EPN2: variants seen among roughly 807,000 people sequenced by gnomAD.
EPN2 encodes epsin-2.
Under a neutral mutation model 61.7 loss-of-function variants are expected in EPN2, and 34 were observed. The observed-to-expected ratio is 0.55, with a 90% confidence interval of 0.42 to 0.73. EPN2 has a LOEUF of 0.73. Among genes scored for constraint, EPN2 ranks in the 30% least tolerant of loss-of-function variants. EPN2 has a pLI of 0.00. For synonymous variants in EPN2, 349 were observed against 353.6 expected, an observed-to-expected ratio of 0.99 and a Z score of 0.15; for missense variants, 714 against 839.2, an observed-to-expected ratio of 0.85 and a Z score of 1.84.
Position 19,331,978 on chromosome 17 carries a change from C to G in EPN2, c.1537C>G (p.Leu513Val). Residue 513 changes from leucine to valine, a missense_variant, in exon 10 of 11, where the codon CTG becomes GTG. This residue lies in a region of EPN2 where 410 missense variants were observed against 421.8 expected (regional missense o/e 0.97). Coordinates refer to ENST00000314728, the MANE Select transcript of EPN2 (RefSeq NM_014964.5). ...SSARKTPESFLGPNAALVNLD... is the reference protein window; with the variant it reads ...SSARKTPESFVGPNAALVNLD... ...TGCCCGGAAAACACCTGAGTCCTTC[C>G]TGGGCCCCAACGCGGCCCTGGTGAA... is the stretch of plus-strand genomic sequence containing the variant. 1 of 1,614,136 alleles carries G rather than the reference C, an allele frequency of 6.2e-7. No homozygotes were observed. The highest frequency in any genetic ancestry group is 8.5e-7 in the Non-Finnish European group (1 of 1,180,018).
At chr17:19,304,051 T>G (rs1905686388) in intron 4 of EPN2, 1 of 152,262 alleles carries the variant, frequency 6.6e-6, no homozygotes, top group South Asian at 2.1e-4. Context: ...TGAAGTGATC[T>G]GAGACCACTC....
Position 19,276,777 on chromosome 17 carries a change from T to TTTTTTTTTTTTTTG in EPN2, c.-293-5165_-293-5164insGTTTTTTTTTTTTT, listed in dbSNP as rs1555598445. On this transcript the variant is annotated intron_variant, in intron 1 of 10. Transcript: ENST00000314728. The stretch of plus-strand genomic sequence containing the variant: ...GTATGTAATTTATGAGAATAAGTTT[T>TTTTTTTTTTTTTTG]TTTTTTTTTTTTTTGCTGTATTGGG... Among the ~76,000 whole-genome samples the TTTTTTTTTTTTTTG allele has an allele frequency of 2.0e-3, 291 of 148,360 alleles. 17 individuals carry two copies. The highest frequency in any genetic ancestry group is 7.2e-3 in the African/African-American group (277 of 38,632).
At position 19,282,948 on chromosome 17, in the gene EPN2, A is replaced by G. The variant is rs2045372120; in HGVS notation, c.-170-2A>G. 1 of 589,068 alleles carries G rather than the reference A, an allele frequency of 1.7e-6. No individual in the cohort carries two copies. The highest frequency in any genetic ancestry group is 2.2e-5 in the South Asian group (1 of 45,504). The allele number at this position is 589,068 out of a possible 1,614,324, so 36.5% of individuals were successfully genotyped here. On this transcript the variant is annotated splice_acceptor_variant, in intron 2 of 10. Transcript: ENST00000314728. LOFTEE classifies it low-confidence loss of function (5UTR_SPLICE). ...AGTGGAATGGGTTTTCTCTTTCTCT[A>G]GGTCATGGCTTCCAGCTTTTCGAAT...
At chr17:19,323,732 T>A (rs924218392) in intron 7 of EPN2, among the ~76,000 whole-genome samples, 15 of 152,228 alleles carry the variant, frequency 9.9e-5, no homozygotes, top group Middle Eastern at 3.2e-3. Flanking sequence ...ATAATTTTTT[T>A]AAAAAAGATA....
chr17:19,295,620 T>C (rs1305537473), intron 4 of EPN2, among the ~76,000 whole-genome samples: 1 of 152,274 alleles, frequency 6.6e-6, no homozygotes, highest in African/African-American at 2.4e-5. Context: ...GGTTTCTCGA[T>C]GCTTTAAGGT....
intron 1 of EPN2, among the ~76,000 whole-genome samples, chr17:19,266,644 T>C (rs1376428378): frequency 2.0e-5 from 3 of 151,572 alleles, no homozygotes; most frequent in East Asian, 2.0e-4. Flanking sequence ...CCTCGTGATC[T>C]GCCCGCCTCG....
intron 7 of EPN2, among the ~76,000 whole-genome samples, chr17:19,318,536 C>G (rs193183871): frequency 8.6e-5 from 1 of 11,628 alleles, no homozygotes; most frequent in Admixed American, 7.6e-4. Flanking sequence ...GGCAACAGAG[C>G]GAGACTCCAT....
chr17:19,291,558 C>G (rs1051666424), intron 4 of EPN2, among the ~76,000 whole-genome samples: 19 of 151,694 alleles, frequency 1.3e-4, no homozygotes, highest in African/African-American at 4.3e-4. Context: ...CTGCCTCAGC[C>G]TCCTGAGTAG....
chr17:19,255,620 A>G lies in EPN2; in HGVS notation c.-294+18089A>G, dbSNP rs1411516458. ...TTGGCCCCCATCCCTTATGTTTGAT[A>G]GATTGGATTGATTTTTTTTGAGACA... On this transcript the variant is annotated intron_variant, in intron 1 of 10. Coordinates refer to ENST00000314728, the MANE Select transcript of EPN2 (RefSeq NM_014964.5). 9.0e-5 allele frequency among the ~76,000 whole-genome samples: 11 copies of G among 122,152 alleles called. No homozygotes were observed. The South Asian group carries it at 2.9e-3, about 32-fold the overall frequency. 80.1% of individuals were successfully genotyped at this position (122,152 alleles called of 152,430 possible). A position where few individuals can be genotyped will look rare whatever the true frequency, so the allele number is the denominator to read the frequency against.
At chr17:19,327,492 T>A (rs1436294793) in intron 7 of EPN2, among the ~76,000 whole-genome samples, 1 of 151,944 alleles carries the variant, frequency 6.6e-6, no homozygotes, top group Non-Finnish European at 1.5e-5. Context: ...GGCAACACGG[T>A]GAGACCCCAT....
chr17:19,312,895 T>G (rs1373073375), intron 6 of EPN2: 5 of 546,564 alleles, frequency 9.1e-6, no homozygotes, highest in South Asian at 2.2e-5. Context: ...GGTGAGGGGG[T>G]TTAGCAAACA....
intron 7 of EPN2, among the ~76,000 whole-genome samples, chr17:19,316,349 A>C (rs994004592): frequency 2.6e-5 from 4 of 152,256 alleles, no homozygotes; most frequent in Admixed American, 1.3e-4. Flanking sequence ...CCACTTGCCC[A>C]GCCTAGGACC....
intron 1 of EPN2, among the ~76,000 whole-genome samples, chr17:19,275,579 C>A (rs59571799): frequency 0.11 from 17,112 of 152,190 alleles, 1,564 homozygotes; most frequent in East Asian, 0.51. Flanking sequence ...TACAGGTGGT[C>A]CAGTCTGGAT....
At chr17:19,293,517 C>T (rs2045485329) in intron 4 of EPN2, among the ~76,000 whole-genome samples, 1 of 146,236 alleles carries the variant, frequency 6.8e-6, no homozygotes, top group South Asian at 2.1e-4. Context: ...ACTACAGGTG[C>T]ATGCCACCAT....
chr17:19,312,177 C>G lies in EPN2; in HGVS notation c.972+33C>G, dbSNP rs376299121. Reference sequence around the variant, plus strand: ...CTTGCTGGGAGGGTAGATGTTTCACCCTGTCCTGTAGTTGTTGCCTCAATA... The same window carrying G: ...CTTGCTGGGAGGGTAGATGTTTCACGCTGTCCTGTAGTTGTTGCCTCAATA... On this transcript the variant is annotated intron_variant, in intron 6 of 10. Coordinates refer to ENST00000314728, the MANE Select transcript of EPN2 (RefSeq NM_014964.5). 37 of 1,512,410 alleles carry G rather than the reference C, an allele frequency of 2.4e-5. No individual in the cohort carries two copies. The African/African-American group carries it at 4.9e-4, about 20-fold the overall frequency. 93.7% of individuals were successfully genotyped at this position (1,512,410 alleles called of 1,614,324 possible). A position where few individuals can be genotyped will look rare whatever the true frequency, so the allele number is the denominator to read the frequency against.
At chr17:19,253,110 A>G (rs185378134) in intron 1 of EPN2, among the ~76,000 whole-genome samples, 1 of 152,250 alleles carries the variant, frequency 6.6e-6, no homozygotes, top group African/African-American at 2.4e-5. Flanking sequence ...GAAAATCCAT[A>G]CTCATTAGGT....
rs761718788 is a variant in EPN2 at position 19,312,152 on chromosome 17, CT to C, written c.972+10del. 3.7e-6 allele frequency: 6 copies of C among 1,602,864 alleles called. No individual in the cohort carries two copies. The highest frequency in any genetic ancestry group is 1.7e-5 in the Admixed American group (1 of 60,000). ...ATTCCAAAAAAGAAAGAGGTAAGAG[CT>C]TGCTGGGAGGGTAGATGTTTCACCC... On this transcript the variant is annotated intron_variant, in intron 6 of 10. Transcript: ENST00000314728.
At chr17:19,315,284 A>G (rs1030836992) in intron 7 of EPN2, among the ~76,000 whole-genome samples, 1 of 152,198 alleles carries the variant, frequency 6.6e-6, no homozygotes, top group African/African-American at 2.4e-5. Flanking sequence ...CCCTCTAGGA[A>G]CATAGCGTAA....
intron 4 of EPN2, chr17:19,307,939 CAAAG>C: frequency 1.0e-6 from 1 of 985,258 alleles, no homozygotes. Flanking sequence ...TAGTTTCTCT[CAAAG>C]AGGAAAACCC....
Sources: gnomAD v4.1 joint callset for allele counts (sites outside exome capture counted in the v4.1 genomes callset) on GRCh38, gnomAD v4.1.1 for gene constraint, gnomAD v4.1.1 regional missense constraint, MANE v1.5 for transcripts, NCBI Gene and HGNC (gene_info 2026-07-23, HGNC 2026-07-21) for gene names.